KIDINS220: variants seen among roughly 807,000 people sequenced by gnomAD.
KIDINS220 encodes kinase D-interacting substrate of 220 kDa.
KIDINS220 carries 63 observed loss-of-function variants against 157.6 expected under a neutral mutation model. The observed-to-expected ratio is 0.40, with a 90% CI of 0.33 to 0.49. KIDINS220 has a LOEUF of 0.49. KIDINS220 is among the 20% of genes least tolerant of loss of function. KIDINS220 has a pLI of 0.66. For synonymous variants in KIDINS220, 732 were observed against 783.6 expected (o/e 0.93, Z 1.10); for missense variants, 1,772 against 2,171.2 (o/e 0.82, Z 3.65).
chr2:8,798,233 T>A lies in KIDINS220; in HGVS notation c.968A>T (p.Gln323Leu), dbSNP rs760191712. Residue 323 changes from glutamine to leucine, a missense_variant, in exon 10 of 30, where the codon CAG becomes CTG. Gln to Leu is a moderately radical substitution (Grantham distance 113, BLOSUM62 -2). Transcript: ENST00000256707. ...GNATMVRDIL[Q>L]CNPDTEICTK... is the part of the protein sequence containing the mutation. ...GCATATTTCAGTGTCAGGATTGCAC[T>A]GTAAGATATCTCTCACCATTGTTGC... 6.2e-7 allele frequency: 1 copy of A among 1,611,962 alleles called. No homozygotes were observed. The highest frequency in any genetic ancestry group is 1.1e-5 in the South Asian group (1 of 91,022).
intron 22 of KIDINS220, 118 bp downstream of exon 22, chr2:8,770,552 A>C (rs1670062559): frequency 1.5e-5 from 8 of 516,488 alleles, no homozygotes; most frequent in Middle Eastern, 1.0e-3. Context: ...AGAATGATTA[A>C]ATCCAGGAGT....
intron 2 of KIDINS220, among the ~76,000 whole-genome samples, chr2:8,819,483 A>C (rs1677585016): frequency 6.6e-6 from 1 of 152,166 alleles, no homozygotes. Context: ...AGTGCAGTAC[A>C]AAAGTTATCA....
At chr2:8,757,679 T>G (rs777705425) in intron 22 of KIDINS220, 16 of 1,612,432 alleles carry the variant, frequency 9.9e-6, no homozygotes, top group Non-Finnish European at 1.4e-5. Flanking sequence ...TCCTGCTTAT[T>G]TGCAAATGCC....
Position 8,812,479 on chromosome 2 carries a change from T to C in KIDINS220, c.420A>G (p.Pro140=). The C allele has an allele frequency of 6.3e-7, 1 of 1,595,678 alleles. No individual in the cohort carries two copies. The highest frequency in any genetic ancestry group is 8.5e-7 in the Non-Finnish European group (1 of 1,170,530). ...GGCCTCTCCCTGCTGCCCAAATGAT[T>C]GGGTAAACACTGTACTGCTAGGATA... The part of the protein sequence containing the change: ...PSVTGLYSVY[P]IIWAAGRGHA... The change falls in exon 6 of 30, where the codon CCA becomes CCG. Residue 140 remains proline, a synonymous_variant. Transcript: ENST00000256707.
chr2:8,743,728 T>C (rs1464115468), intron 26 of KIDINS220, among the ~76,000 whole-genome samples: 1 of 152,198 alleles, frequency 6.6e-6, no homozygotes, highest in Non-Finnish European at 1.5e-5. Flanking sequence ...CTGTGCCATG[T>C]GGAGACTAGC....
chr2:8,757,953 C>T (rs899767461), intron 22 of KIDINS220, among the ~76,000 whole-genome samples: 1 of 152,194 alleles, frequency 6.6e-6, no homozygotes, highest in African/African-American at 2.4e-5. Flanking sequence ...ACCCCTGCCT[C>T]CTGGGATCAA....
rs1243383860 is a variant in KIDINS220, at chr2:8,789,972, C to T, written c.1529G>A (p.Gly510Glu). 3 of 1,613,818 alleles carry T rather than the reference C, an allele frequency of 1.9e-6. No individual in the cohort carries two copies. In the East Asian group the frequency reaches 6.7e-5, roughly 36 times the overall value. The change falls in exon 14 of 30, where the codon GGA (glycine) becomes GAA (glutamate). Residue 510 changes from glycine to glutamate, a missense_variant. Gly to Glu is a moderately conservative substitution (Grantham distance 98). Transcript: ENST00000256707. The part of the protein sequence containing the change: ...LIVFLTLLLC[G>E]GLGLLFAFTV... ...GAAGGCAAACAATAAACCAAGCCCT[C>T]CACAAAGTAGCAGGGTAAGAAACAC...
Position 8,786,008 on chromosome 2 carries a change from TG to T in KIDINS220, c.1961del (p.Thr654AsnfsTer34). ...DTQGKKKWKK[T>X]CCLPSFVIFL... Reference sequence around the variant, plus strand: ...AGATGACAAAAGATGGGAGACAACATGTTTTTTTCCATTTCTTTTTACCTGT... The same window carrying T: ...AGATGACAAAAGATGGGAGACAACATTTTTTTTCCATTTCTTTTTACCTGT... On this transcript the variant is annotated frameshift_variant, in exon 17 of 30. Transcript: ENST00000256707. LOFTEE classifies it high-confidence loss of function. 6.2e-7 allele frequency: 1 copy of T among 1,607,828 alleles called. No homozygotes were observed. Among genetic ancestry groups the T allele is most frequent in the Non-Finnish European group, 8.5e-7 (1 of 1,177,944 alleles).
chr2:8,759,474 T>C (rs1316381357), intron 22 of KIDINS220, among the ~76,000 whole-genome samples: 1 of 151,124 alleles, frequency 6.6e-6, no homozygotes, highest in Non-Finnish European at 1.5e-5. Flanking sequence ...GGAAGGAAAC[T>C]TGTACGCATG....
chr2:8,770,855 T>C (rs767780426), intron 21 of KIDINS220, 23 bp from the exon 22 acceptor site: 2 of 1,469,040 alleles, frequency 1.4e-6, no homozygotes, highest in Non-Finnish European at 1.9e-6. Flanking sequence ...ACAAAAGCAT[T>C]TAAAAATTAA....
rs1041834009 is a variant in KIDINS220 at position 8,729,753 on chromosome 2, T to C, written c.*967A>G. 1.3e-5 allele frequency: 13 copies of C among 982,152 alleles called. No homozygotes were observed. The highest frequency in any genetic ancestry group is 1.6e-5 in the Non-Finnish European group (13 of 826,872). The allele number at this position is 982,152 out of a possible 1,614,324, so 60.8% of individuals were successfully genotyped here. A position where few individuals can be genotyped will look rare whatever the true frequency, so the allele number is the denominator to read the frequency against. ...AGAGCAATGATTTAGTTTTACCTAATTAAATATTTCCTTGTCATTTATCAA... is the reference window on the plus strand; with the variant it reads ...AGAGCAATGATTTAGTTTTACCTAACTAAATATTTCCTTGTCATTTATCAA... On this transcript the variant is annotated 3_prime_UTR_variant, in exon 30 of 30. Coordinates refer to ENST00000256707, the MANE Select transcript of KIDINS220 (RefSeq NM_020738.4).
At chr2:8,823,509 G>T (rs892827729) in intron 2 of KIDINS220, among the ~76,000 whole-genome samples, 16 of 149,936 alleles carry the variant, frequency 1.1e-4, no homozygotes, top group Non-Finnish European at 2.1e-4. Flanking sequence ...AAATTATCAC[G>T]TTAAAACTCC....
At chr2:8,763,121 T>C (rs1038286599) in intron 22 of KIDINS220, among the ~76,000 whole-genome samples, 6 of 152,218 alleles carry the variant, frequency 3.9e-5, no homozygotes, top group African/African-American at 1.2e-4. Flanking sequence ...TATCTGGAAA[T>C]TAAAATATTT....
chr2:8,796,939 C>A (rs763520208), intron 10 of KIDINS220, 70 bp from the exon 11 acceptor site: 26 of 1,099,590 alleles, frequency 2.4e-5, no homozygotes, highest in Non-Finnish European at 3.7e-5. Context: ...TACAAATGCA[C>A]ATGTCAAGAA....
In KIDINS220 at chr2:8,730,509, T is replaced by C. The variant is rs538592567; in HGVS notation, c.*211A>G. On this transcript the variant is annotated 3_prime_UTR_variant, in exon 30 of 30. Coordinates refer to ENST00000256707, the MANE Select transcript of KIDINS220 (RefSeq NM_020738.4). ...AGTAGTATTAGTGAGTTCTGAAGCT[T>C]CTAATTACAAAGACCACAGAGGCTG... The C allele has an allele frequency of 7.1e-7, 1 of 1,417,312 alleles. No homozygotes were observed. The highest frequency in any genetic ancestry group is 1.6e-5 in the South Asian group (1 of 61,276). The allele number at this position is 1,417,312 out of a possible 1,614,324, so 87.8% of individuals were successfully genotyped here. A position where few individuals can be genotyped will look rare whatever the true frequency, so the allele number is the denominator to read the frequency against.
chr2:8,776,980 CAAAA>C, intron 20 of KIDINS220, 88 bp from the exon 21 acceptor site: 1 of 1,251,398 alleles, frequency 8.0e-7, no homozygotes, highest in East Asian at 2.8e-5. Flanking sequence ...ATGTTTATAA[CAAAA>C]AAAAAATCCA....
intron 1 of KIDINS220, among the ~76,000 whole-genome samples, chr2:8,836,633 A>G (rs1411897039): frequency 6.6e-6 from 1 of 152,190 alleles, no homozygotes; most frequent in Non-Finnish European, 1.5e-5. Flanking sequence ...TGGCCACGGC[A>G]TTTCCCAACC....
At chr2:8,734,814 T>C in intron 27 of KIDINS220, 61 bp from the exon 28 acceptor site, 1 of 1,202,434 alleles carries the variant, frequency 8.3e-7, no homozygotes, top group East Asian at 2.4e-5. Context: ...TCTGAATTAC[T>C]AGTGATTGCC....
At chr2:8,742,820 A>T (rs1055617244) in intron 26 of KIDINS220, among the ~76,000 whole-genome samples, 1 of 124,424 alleles carries the variant, frequency 8.0e-6, no homozygotes, top group Non-Finnish European at 1.9e-5. Context: ...CGTTGAACTA[A>T]TCGCTGATCA....
Sources: gnomAD v4.1 joint callset for allele counts (sites outside exome capture counted in the v4.1 genomes callset) on GRCh38, gnomAD v4.1.1 for gene constraint, MANE v1.5 for transcripts, NCBI Gene and HGNC (gene_info 2026-07-23, HGNC 2026-07-21) for gene names.